Variants in STT3B observed in about 807,000 individuals in gnomAD.
STT3B encodes STT3 oligosaccharyltransferase complex catalytic subunit B.
STT3B carries 29 observed loss-of-function variants against 96.8 expected under a neutral mutation model. That is an observed-to-expected ratio of 0.30 (90% CI 0.22 to 0.41). The LOEUF is 0.41. Ranked by LOEUF, STT3B falls within the 10% of genes least tolerant of loss-of-function variation. STT3B has a pLI of 1.00. For missense variants in STT3B, 640 were observed against 1,022.3 expected (o/e 0.63, Z 5.10); for synonymous variants, 367 against 360.0 (o/e 1.02, Z -0.22).
intron 14 of STT3B, 147 bp downstream of exon 14, chr3:31,629,558 G>T: frequency 2.0e-6 from 1 of 493,182 alleles, no homozygotes; most frequent in Non-Finnish European, 3.5e-6. Context: ...ATTAAATTTA[G>T]ATTTCTGAAA....
intron 1 of STT3B, among the ~76,000 whole-genome samples, chr3:31,546,979 C>A (rs1390648964): frequency 2.0e-5 from 3 of 152,226 alleles, no homozygotes; most frequent in African/African-American, 7.2e-5. Context: ...AATTATGAAT[C>A]AGCATGATGC....
intron 3 of STT3B, among the ~76,000 whole-genome samples, chr3:31,588,152 C>A (rs1698587135): frequency 6.6e-6 from 1 of 152,028 alleles, no homozygotes. Context: ...ATACTGTGAA[C>A]CAAAACACAA....
rs532722048 is a variant in STT3B at position 31,585,397 on chromosome 3, A to T, written c.711+5301A>T. Among the ~76,000 whole-genome samples, 3 of 152,246 alleles carry T rather than the reference A, an allele frequency of 2.0e-5. No individual in the cohort carries two copies. In the South Asian group the frequency reaches 6.2e-4, roughly 32 times the overall value. ...ATTGTACCTTCCTTATATAACTTAA[A>T]AATTAATACATGTAAAGGTATAGAA... On this transcript the variant is annotated intron_variant, in intron 3 of 15. Coordinates refer to ENST00000295770, the MANE Select transcript of STT3B (RefSeq NM_178862.3).
At chr3:31,593,677 T>G (rs577480928) in intron 3 of STT3B, among the ~76,000 whole-genome samples, 8 of 152,190 alleles carry the variant, frequency 5.3e-5, no homozygotes, top group Non-Finnish European at 1.2e-4. Flanking sequence ...GAATTTTTTA[T>G]TCCATTTATT....
chr3:31,597,580 C>G (rs1698820593), intron 4 of STT3B, among the ~76,000 whole-genome samples: 1 of 151,904 alleles, frequency 6.6e-6, no homozygotes, highest in South Asian at 2.1e-4. Context: ...CTTCAGCTTC[C>G]TGAGCAGCCA....
At chr3:31,583,203 G>A (rs745695722) in intron 3 of STT3B, among the ~76,000 whole-genome samples, 1 of 151,894 alleles carries the variant, frequency 6.6e-6, no homozygotes, top group Non-Finnish European at 1.5e-5. Context: ...ATATTTTGAT[G>A]GTCTGTTATC....
intron 8 of STT3B, 110 bp downstream of exon 8, chr3:31,618,098 A>G: frequency 1.3e-6 from 1 of 760,038 alleles, no homozygotes; most frequent in East Asian, 2.5e-5. Flanking sequence ...ACTTCTAAGT[A>G]CCAAAGATGC....
Position 31,623,835 on chromosome 3 carries a change from A to G in STT3B, c.1701A>G (p.Val567=). 3.7e-6 allele frequency: 6 copies of G among 1,610,524 alleles called. No homozygotes were observed. The highest frequency in any genetic ancestry group is 5.1e-6 in the Non-Finnish European group (6 of 1,177,872). Residue 567 remains valine (V), a synonymous_variant, in exon 11 of 16, where the codon GTA becomes GTG. Coordinates refer to ENST00000295770, the MANE Select transcript of STT3B (RefSeq NM_178862.3). ...VTSNAYSSPS[V]VLASYNHDGT... is the part of the protein sequence containing the mutation. ...GCAATGCCTACTCTAGTCCAAGTGT[A>G]GTCCTGGCCTCATACAATCATGATG...
chr3:31,611,942 A>T (rs1699189640), intron 5 of STT3B, among the ~76,000 whole-genome samples: 2 of 152,162 alleles, frequency 1.3e-5, no homozygotes, highest in African/African-American at 4.8e-5. Context: ...AATTTTACAA[A>T]TTCAAGCAGA....
chr3:31,578,877 A>T (rs988728764), intron 2 of STT3B, among the ~76,000 whole-genome samples: 2 of 152,164 alleles, frequency 1.3e-5, no homozygotes, highest in Non-Finnish European at 2.9e-5. Context: ...ATGGAGAAAA[A>T]GCAAGAGAGT....
At chr3:31,550,668 ACT>A (rs1011445148) in intron 1 of STT3B, among the ~76,000 whole-genome samples, 31 of 151,972 alleles carry the variant, frequency 2.0e-4, no homozygotes, top group African/African-American at 7.5e-4. Flanking sequence ...CTTGAGCATA[ACT>A]CTCTCATGAG....
intron 14 of STT3B, among the ~76,000 whole-genome samples, chr3:31,630,194 CAG>C (rs1243278127): frequency 1.3e-5 from 2 of 152,270 alleles, no homozygotes; most frequent in African/African-American, 4.8e-5. Context: ...AAGCAGCAAA[CAG>C]AGAAAAAGTT....
At chr3:31,623,984 T>C in intron 11 of STT3B, 123 bp downstream of exon 11, 2 of 837,396 alleles carry the variant, frequency 2.4e-6, no homozygotes, top group Non-Finnish European at 3.5e-6. Context: ...TTTTTAATTT[T>C]TTATTTTAAT....
intron 1 of STT3B, among the ~76,000 whole-genome samples, chr3:31,545,247 T>C (rs1697376993): frequency 6.6e-6 from 1 of 152,178 alleles, no homozygotes; most frequent in Middle Eastern, 3.2e-3. Flanking sequence ...GTCACTTCAT[T>C]AGAAAGGAAG....
chr3:31,632,832 G>C, intron 14 of STT3B, 103 bp from the exon 15 acceptor site: 1 of 1,000,278 alleles, frequency 1.0e-6, no homozygotes, highest in South Asian at 1.6e-5. Flanking sequence ...TGTTTTCCTA[G>C]TTTAAAGGGA....
intron 1 of STT3B, among the ~76,000 whole-genome samples, chr3:31,561,144 C>T (rs1372535531): frequency 6.6e-6 from 1 of 151,520 alleles, no homozygotes; most frequent in Non-Finnish European, 1.5e-5. Flanking sequence ...TCATTCATAT[C>T]CTGAATTGTT....
At chr3:31,562,078 A>G (rs1216323300) in intron 1 of STT3B, among the ~76,000 whole-genome samples, 1 of 152,084 alleles carries the variant, frequency 6.6e-6, no homozygotes, top group African/African-American at 2.4e-5. Context: ...AGCTTATGCC[A>G]GTGACAGCGT....
chr3:31,546,310 T>G (rs570706864), intron 1 of STT3B, among the ~76,000 whole-genome samples: 2 of 152,254 alleles, frequency 1.3e-5, no homozygotes, highest in African/African-American at 4.8e-5. Context: ...ACCTGGAGGC[T>G]CAATAGGCTG....
At chr3:31,536,534 A>G (rs1472551523) in intron 1 of STT3B, among the ~76,000 whole-genome samples, 2 of 152,132 alleles carry the variant, frequency 1.3e-5, no homozygotes, top group East Asian at 3.9e-4. Context: ...ATTTTACAGT[A>G]GTTCTTAAAT....
Sources: allele counts gnomAD v4.1 joint callset (sites outside exome capture counted in the v4.1 genomes callset), GRCh38; gene constraint gnomAD v4.1.1; transcripts MANE v1.5; gene names NCBI Gene and HGNC (gene_info 2026-07-23, HGNC 2026-07-21).